The following GNA15 variants were observed in gnomAD, a reference collection of about 807,000 sequenced individuals.
GNA15 encodes the protein G protein subunit alpha 15.
Under a neutral mutation model 40.1 loss-of-function variants are expected in GNA15, and 23 were observed. That is an observed-to-expected ratio of 0.57 (90% CI 0.41 to 0.81). The LOEUF (loss-of-function observed/expected upper bound fraction) is 0.81. Ranked by LOEUF, GNA15 falls within the 40% of genes least tolerant of loss-of-function variation. GNA15 has a pLI of 0.00. For missense variants in GNA15, 522 were observed against 515.8 expected, an observed-to-expected ratio of 1.01 and a Z score of -0.12; for synonymous variants, 226 against 210.4, an observed-to-expected ratio of 1.07 and a Z score of -0.64.
At chr19:3,141,141 T>A (rs1005314625) in intron 1 of GNA15, among the ~76,000 whole-genome samples, 2 of 151,810 alleles carry the variant, frequency 1.3e-5, no homozygotes, top group East Asian at 3.9e-4. Flanking sequence ...AACCCTCATA[T>A]TGGGGAAGGG....
Position 3,149,981 on chromosome 19 carries a change from T to A in GNA15, c.331-150T>A, listed in dbSNP as rs1294289366. 1.3e-5 allele frequency: 8 copies of A among 621,388 alleles called. No individual in the cohort carries two copies. In the East Asian group the frequency reaches 1.5e-4, roughly 12 times the overall value. 38.5% of individuals were successfully genotyped at this position (621,388 alleles called of 1,614,324 possible). On this transcript the variant is annotated intron_variant, in intron 2 of 6. Coordinates refer to ENST00000262958, the MANE Select transcript of GNA15 (RefSeq NM_002068.4). Reference sequence around the variant, plus strand: ...GAACAGACGGAGGACAAATCAGAAGTGTGCGGGGGGGTCGGGAGCTCTGGG... The same window carrying A: ...GAACAGACGGAGGACAAATCAGAAGAGTGCGGGGGGGTCGGGAGCTCTGGG...
chr19:3,151,570 C>G lies in GNA15; in HGVS notation c.486-137C>G, dbSNP rs1358160907. On this transcript the variant is annotated intron_variant, in intron 3 of 6. Coordinates refer to ENST00000262958, the MANE Select transcript of GNA15 (RefSeq NM_002068.4). This position sits in a 1 kb window ranked among gnomAD's most constrained non-coding sequence, Gnocchi z 5.0. ...CAGGTGGGGGACGCTCCTGGGCCAT[C>G]TGCCAACTCCAGGGACCCCACCTCC... 3 of 999,290 alleles carry G rather than the reference C, an allele frequency of 3.0e-6. No individual in the cohort carries two copies. The African/African-American group carries it at 5.0e-5, about 17-fold the overall frequency. 61.9% of individuals were successfully genotyped at this position (999,290 alleles called of 1,614,324 possible).
chr19:3,158,157 T>G (rs1915072269), intron 6 of GNA15, among the ~76,000 whole-genome samples: 2 of 152,100 alleles, frequency 1.3e-5, no homozygotes, highest in Non-Finnish European at 2.9e-5. Context: ...TTTTATTTAT[T>G]TATTTATTTT....
chr19:3,141,978 C>G (rs1177594457), intron 1 of GNA15: 1 of 152,774 alleles, frequency 6.5e-6, no homozygotes, highest in African/African-American at 2.4e-5. Flanking sequence ...GGCCGAGCCT[C>G]CTGCCCCTGC....
At chr19:3,147,072 T>A (rs1007460170) in intron 1 of GNA15, among the ~76,000 whole-genome samples, 3 of 152,094 alleles carry the variant, frequency 2.0e-5, no homozygotes, top group African/African-American at 7.2e-5. Flanking sequence ...ACAAATCACT[T>A]TCACTGAGAG....
intron 6 of GNA15, 31 bp downstream of exon 6, chr19:3,157,912 C>G: frequency 6.4e-7 from 1 of 1,563,104 alleles, no homozygotes; most frequent in Non-Finnish European, 8.8e-7. Context: ...CTATACCCTT[C>G]AACTCCCAAA....
At chr19:3,149,445 A>G (rs1301004063) in intron 2 of GNA15, 1 of 156,914 alleles carries the variant, frequency 6.4e-6, no homozygotes, top group African/African-American at 2.4e-5. Flanking sequence ...TGCACACACA[A>G]GCACACCTAT....
At chr19:3,152,378 A>T (rs754261756) in intron 4 of GNA15, among the ~76,000 whole-genome samples, 4 of 152,114 alleles carry the variant, frequency 2.6e-5, no homozygotes, top group Non-Finnish European at 5.9e-5. Context: ...GAGTGTGGGA[A>T]TTAGAACAGG....
chr19:3,151,179 C>G lies in GNA15; in HGVS notation c.486-528C>G, dbSNP rs950920576. Among the ~76,000 whole-genome samples the G allele has an allele frequency of 6.6e-6, 1 of 151,510 alleles. No individual in the cohort carries two copies. Among genetic ancestry groups the G allele is most frequent in the African/African-American group, 2.4e-5 (1 of 41,160 alleles). ...AGAAGGGACCCTTTTCTGGGAGTGA[C>G]CCTGTTTCTGAGGGGACCCTATTCT... On this transcript the variant is annotated intron_variant, in intron 3 of 6. Transcript: ENST00000262958. The surrounding 1 kb of genome is among the most constrained non-coding windows in gnomAD (Gnocchi z 5.0).
intron 4 of GNA15, among the ~76,000 whole-genome samples, chr19:3,153,639 G>A (rs940857439): frequency 1.3e-5 from 2 of 151,236 alleles, no homozygotes; most frequent in Non-Finnish European, 3.0e-5. Flanking sequence ...TGGGTGAATG[G>A]ATGGGTGGGT....
chr19:3,156,580 C>T (rs529992778), intron 5 of GNA15, among the ~76,000 whole-genome samples: 2 of 152,186 alleles, frequency 1.3e-5, no homozygotes, highest in Non-Finnish European at 2.9e-5. Flanking sequence ...GGAAACTCCG[C>T]CTCCCGGGTT....
chr19:3,145,924 G>T (rs1233855063), intron 1 of GNA15, among the ~76,000 whole-genome samples: 1 of 152,004 alleles, frequency 6.6e-6, no homozygotes, highest in Non-Finnish European at 1.5e-5. Context: ...AGTCGAGGCG[G>T]CCACCCCCGA....
intron 2 of GNA15, 113 bp from the exon 3 acceptor site, chr19:3,150,018 G>A: frequency 1.2e-6 from 1 of 827,118 alleles, no homozygotes; most frequent in East Asian, 2.7e-5. Flanking sequence ...AAGAAGGAGA[G>A]CAGTGGGAAG....
intron 1 of GNA15, among the ~76,000 whole-genome samples, chr19:3,138,515 G>A (rs1350459324): frequency 1.3e-5 from 2 of 152,230 alleles, no homozygotes; most frequent in Admixed American, 6.5e-5. Flanking sequence ...TCCTTTCCTC[G>A]TTCAGTGGGA....
chr19:3,137,721 G>T (rs1020904752), intron 1 of GNA15, among the ~76,000 whole-genome samples: 1 of 152,172 alleles, frequency 6.6e-6, no homozygotes, highest in Non-Finnish European at 1.5e-5. Flanking sequence ...GGTGGAGACT[G>T]CAGTGAGCTG....
chr19:3,156,659 ATT>A (rs202231628), intron 5 of GNA15, among the ~76,000 whole-genome samples: 1 of 149,996 alleles, frequency 6.7e-6, no homozygotes, highest in African/African-American at 2.4e-5. Context: ...CGCTCGGCTA[ATT>A]TTTTTTTTGT....
At chr19:3,156,298 CAT>C (rs923482161) in intron 5 of GNA15, among the ~76,000 whole-genome samples, 16 of 151,474 alleles carry the variant, frequency 1.1e-4, no homozygotes, top group Admixed American at 4.0e-4. Context: ...ACACGGGACA[CAT>C]GTACACACGC....
intron 6 of GNA15, 89 bp downstream of exon 6, chr19:3,157,970 G>T (rs1341245221): frequency 1.0e-5 from 11 of 1,069,422 alleles, no homozygotes; most frequent in Non-Finnish European, 1.6e-5. Context: ...TCAGCCTGGA[G>T]TCACCGGAAC....
Position 3,163,201 on chromosome 19 carries a change from A to G in GNA15, c.*182A>G. On this transcript the variant is annotated 3_prime_UTR_variant, in exon 7 of 7. Coordinates refer to ENST00000262958, the MANE Select transcript of GNA15 (RefSeq NM_002068.4). ...CCTCTCACCAGGACAGCCGCCCCCC[A>G]GGGTACTCCTGCCCTTGCTTGACTC... is the stretch of plus-strand genomic sequence containing the variant. 1 of 597,298 alleles carries G rather than the reference A, an allele frequency of 1.7e-6. No homozygotes were observed. The highest frequency in any genetic ancestry group is 2.0e-5 in the South Asian group (1 of 50,190). 37.0% of individuals were successfully genotyped at this position (597,298 alleles called of 1,614,324 possible).
Sources: allele counts gnomAD v4.1 joint callset (sites outside exome capture counted in the v4.1 genomes callset), GRCh38; gene constraint gnomAD v4.1.1; non-coding constraint Gnocchi (gnomAD v3.1); transcripts MANE v1.5; gene names NCBI Gene and HGNC (gene_info 2026-07-23, HGNC 2026-07-21).